Variants in WDR7 observed in about 807,000 individuals in gnomAD.
WDR7 encodes WD repeat domain 7, also known as WD repeat-containing protein 7.
WDR7 carries 46 observed loss-of-function variants against 169.4 expected under a neutral mutation model. That is an observed-to-expected ratio of 0.27 (90% confidence interval 0.21 to 0.35). The LOEUF is 0.35. WDR7 is among the 10% of genes least tolerant of loss of function. WDR7 has a pLI of 1.00. For missense variants in WDR7, 1,534 were observed against 1,859.3 expected (o/e 0.83, Z 3.22); for synonymous variants, 612 against 666.8 (o/e 0.92, Z 1.27).
intron 26 of WDR7, among the ~76,000 whole-genome samples, chr18:56,979,976 A>G (rs867579211): frequency 6.6e-6 from 1 of 152,232 alleles, no homozygotes; most frequent in Admixed American, 6.5e-5. Flanking sequence ...AAGCAACCAG[A>G]GACTTCCTTA....
chr18:56,996,992 A>T (rs1229325407), intron 26 of WDR7, among the ~76,000 whole-genome samples: 1 of 152,232 alleles, frequency 6.6e-6, no homozygotes, highest in Non-Finnish European at 1.5e-5. Flanking sequence ...CTTAATACAA[A>T]AGGAGTAACA....
chr18:57,009,436 A>G (rs1007470027), intron 26 of WDR7, among the ~76,000 whole-genome samples: 1 of 152,226 alleles, frequency 6.6e-6, no homozygotes. Flanking sequence ...GTTTGGTTAC[A>G]TGACTAAATA....
chr18:56,688,788 A>C (rs2025503395), intron 7 of WDR7, among the ~76,000 whole-genome samples: 1 of 151,752 alleles, frequency 6.6e-6, no homozygotes, highest in Admixed American at 6.6e-5. Flanking sequence ...CCCCGCTGGA[A>C]CTTCCCTTTC....
chr18:56,964,186 T>C (rs1229674284), intron 26 of WDR7, among the ~76,000 whole-genome samples: 3 of 144,052 alleles, frequency 2.1e-5, no homozygotes, highest in African/African-American at 7.8e-5. Context: ...CTAAGTGGTC[T>C]CAGTGAAGAT....
intron 26 of WDR7, among the ~76,000 whole-genome samples, chr18:57,019,592 G>A (rs983711435): frequency 6.6e-6 from 1 of 152,052 alleles, no homozygotes; most frequent in Non-Finnish European, 1.5e-5. Context: ...TGACAAGAAA[G>A]GACAGAATGC....
intron 7 of WDR7, among the ~76,000 whole-genome samples, chr18:56,689,296 T>C (rs1568138087): frequency 6.6e-6 from 1 of 152,260 alleles, no homozygotes; most frequent in Non-Finnish European, 1.5e-5. Context: ...AGAGTCTTGC[T>C]GTCGCCCAGG....
intron 26 of WDR7, among the ~76,000 whole-genome samples, chr18:56,986,726 GAAAATAAAAAA>G (rs1244863261): frequency 1.3e-5 from 2 of 150,102 alleles, no homozygotes; most frequent in African/African-American, 2.5e-5. Flanking sequence ...AATGACGGGG[GAAAATAAAAAA>G]AAAATAAAAA....
rs1598973792 is a variant in WDR7 at position 56,702,549 on chromosome 18, C to T, written c.1578+6087C>T. ...CTTATTGAATTGTGGTGATATTTTACATGAAACTATCCATATTTTCTTAGT... is the reference window on the plus strand; with the variant it reads ...CTTATTGAATTGTGGTGATATTTTATATGAAACTATCCATATTTTCTTAGT... On this transcript the variant is annotated intron_variant, in intron 12 of 27. Transcript: ENST00000254442. Among the ~76,000 whole-genome samples, 5 of 152,166 alleles carry T rather than the reference C, an allele frequency of 3.3e-5. No individual in the cohort carries two copies. In the East Asian group the frequency reaches 7.7e-4, roughly 23 times the overall value.
intron 1 of WDR7, among the ~76,000 whole-genome samples, chr18:56,670,623 G>A (rs1222311601): frequency 1.3e-5 from 2 of 152,018 alleles, no homozygotes; most frequent in African/African-American, 4.8e-5. Flanking sequence ...TGATTCTCCT[G>A]CCTTAGCCTC....
intron 20 of WDR7, among the ~76,000 whole-genome samples, chr18:56,821,617 A>G (rs1190741254): frequency 1.3e-5 from 2 of 150,894 alleles, no homozygotes; most frequent in African/African-American, 2.4e-5. Context: ...CTGGATATCT[A>G]ATCTCATCAT....
chr18:56,664,394 G>T (rs1196641072), intron 1 of WDR7, among the ~76,000 whole-genome samples: 1 of 152,132 alleles, frequency 6.6e-6, no homozygotes, highest in Admixed American at 6.5e-5. Flanking sequence ...GCCAGTGAAG[G>T]TATTTGGATA....
intron 25 of WDR7, among the ~76,000 whole-genome samples, chr18:56,953,167 C>G (rs1003109522): frequency 6.6e-6 from 1 of 152,116 alleles, no homozygotes; most frequent in Non-Finnish European, 1.5e-5. Context: ...TAGGAACTCT[C>G]TCCTCATTTT....
intron 13 of WDR7, among the ~76,000 whole-genome samples, chr18:56,720,933 G>GT (rs1295936230): frequency 3.3e-5 from 5 of 152,072 alleles, no homozygotes; most frequent in Non-Finnish European, 2.9e-5. Context: ...GGCATACATT[G>GT]TTTTTTTCCT....
intron 25 of WDR7, among the ~76,000 whole-genome samples, chr18:56,956,630 A>C (rs1183103645): frequency 2.0e-5 from 3 of 152,074 alleles, no homozygotes; most frequent in Non-Finnish European, 4.4e-5. Flanking sequence ...TCCACTGTAG[A>C]AGTCCTGTTG....
intron 20 of WDR7, among the ~76,000 whole-genome samples, chr18:56,863,470 G>C (rs1355820490): frequency 2.0e-5 from 3 of 151,656 alleles, no homozygotes; most frequent in African/African-American, 7.2e-5. Flanking sequence ...TTTTGAAGGA[G>C]TGTACCTCTA....
chr18:56,762,243 C>G (rs1942129434), intron 16 of WDR7, among the ~76,000 whole-genome samples: 1 of 150,952 alleles, frequency 6.6e-6, no homozygotes, highest in Admixed American at 6.6e-5. Flanking sequence ...TTTAGGAAAA[C>G]TTTTTTTTTC....
chr18:56,961,190 T>C (rs924288216), intron 25 of WDR7, among the ~76,000 whole-genome samples: 1 of 152,130 alleles, frequency 6.6e-6, no homozygotes, highest in African/African-American at 2.4e-5. Context: ...TGTCAGAATA[T>C]CCCTGGTTTC....
intron 2 of WDR7, among the ~76,000 whole-genome samples, chr18:56,676,485 G>C (rs1258090902): frequency 6.6e-6 from 1 of 152,086 alleles, no homozygotes; most frequent in African/African-American, 2.4e-5. Context: ...TCCTTTCAGT[G>C]ATGGTGATTT....
At chr18:56,748,620 A>G (rs184078502) in intron 14 of WDR7, among the ~76,000 whole-genome samples, 1 of 152,248 alleles carries the variant, frequency 6.6e-6, no homozygotes, top group Non-Finnish European at 1.5e-5. Context: ...CCTCAGTCAA[A>G]TGTCTCTAGT....
Sources: allele counts gnomAD v4.1 joint callset (sites outside exome capture counted in the v4.1 genomes callset), GRCh38; gene constraint gnomAD v4.1.1; transcripts MANE v1.5; gene names NCBI Gene and HGNC (gene_info 2026-07-23, HGNC 2026-07-21).